The following KIAA0930 variants were observed in gnomAD, a reference collection of about 807,000 sequenced individuals.
KIAA0930 encodes uncharacterized protein KIAA0930.
In KIAA0930, 24 loss-of-function variants were observed where a neutral mutation model predicts 43.9. The ratio of observed to expected loss-of-function variants is 0.55; its 90% CI spans 0.40 to 0.77. KIAA0930 has a LOEUF of 0.77. Ranked by LOEUF, KIAA0930 falls within the 30% of genes least tolerant of loss-of-function variation. KIAA0930 has a pLI of 0.00. For synonymous variants in KIAA0930, 259 were observed against 216.4 expected (o/e 1.20, Z -1.73); for missense variants, 461 against 574.2 (o/e 0.80, Z 2.02).
At chr22:45,219,579 ATTGTT>A (rs1446932977) in intron 1 of KIAA0930, among the ~76,000 whole-genome samples, 18 of 107,504 alleles carry the variant, frequency 1.7e-4, no homozygotes, top group African/African-American at 3.2e-4. Context: ...CCAAGAGGTG[ATTGTT>A]TTTTTTTTTT....
chr22:45,199,499 C>A (rs2083567368), intron 8 of KIAA0930, among the ~76,000 whole-genome samples: 1 of 152,184 alleles, frequency 6.6e-6, no homozygotes, highest in Non-Finnish European at 1.5e-5. Flanking sequence ...GGGAGGGAAG[C>A]CCTCCTCTCT....
chr22:45,226,059 A>G (rs2083797832), intron 1 of KIAA0930: 2 of 354,958 alleles, frequency 5.6e-6, no homozygotes, highest in East Asian at 7.5e-5. Context: ...GGCAGTATCC[A>G]CCACAGAGAG....
chr22:45,197,733 G>A (rs754250482), intron 9 of KIAA0930, 57 bp downstream of exon 9: 16 of 1,591,046 alleles, frequency 1.0e-5, no homozygotes, highest in Non-Finnish European at 1.4e-5. Context: ...CCAAGGCCCT[G>A]GAGGCAGAGC....
Position 45,195,883 on chromosome 22 carries a change from A to G in KIAA0930, c.*1293T>C, listed in dbSNP as rs2083531726. On this transcript the variant is annotated 3_prime_UTR_variant, in exon 10 of 10. Coordinates refer to ENST00000336156, the MANE Select transcript of KIAA0930 (RefSeq NM_001009880.2). ...CATACAAAAGTCTGGAGAAAGCCCC[A>G]AAGTAGTCCCCTGTTCCCAGAGCCC... 6.6e-6 allele frequency: 1 copy of G among 152,356 alleles called. No homozygotes were observed. The highest frequency in any genetic ancestry group is 6.5e-5 in the Admixed American group (1 of 15,284). 9.4% of individuals were successfully genotyped at this position (152,356 alleles called of 1,614,324 possible).
intron 1 of KIAA0930, 84 bp downstream of exon 1, chr22:45,240,556 G>A: frequency 1.1e-6 from 1 of 947,684 alleles, no homozygotes; most frequent in Non-Finnish European, 1.6e-6. Context: ...AGATGCGCGG[G>A]GCGCACAGAA....
At chr22:45,224,516 G>A (rs751730995) in intron 1 of KIAA0930, among the ~76,000 whole-genome samples, 3 of 151,786 alleles carry the variant, frequency 2.0e-5, no homozygotes, top group Non-Finnish European at 4.4e-5. Context: ...CCCGGCTCCC[G>A]CGGTTGGAAG....
intron 8 of KIAA0930, among the ~76,000 whole-genome samples, chr22:45,198,550 GTGGTCAGGACAAAGAC>G (rs1181633498): frequency 6.6e-6 from 1 of 152,246 alleles, no homozygotes; most frequent in African/African-American, 2.4e-5. Flanking sequence ...CTTGGTCCCA[GTGGTCAGGACAAAGAC>G]TGCCACCTCT....
In KIAA0930 at chr22:45,199,891, G is replaced by A. The variant is rs1253955713; in HGVS notation, c.997C>T (p.Arg333Trp). 1.2e-5 allele frequency: 19 copies of A among 1,589,612 alleles called. No homozygotes were observed. The highest frequency in any genetic ancestry group is 3.4e-5 in the Admixed American group (2 of 58,348). ...GGGTCACCTCCACCGTCGTCCTCCC[G>A]GAAGAACTCCTCGCTGTCGTTGGCC... ...HSANDSEEFF[R>W]EDDGGADLHN... Residue 333 changes from arginine to tryptophan, a missense_variant, in exon 8 of 10, where the codon CGG (arginine) becomes TGG (tryptophan). By Grantham distance (101) the Arg-to-Trp change is moderately radical (BLOSUM62 -3). Coordinates refer to ENST00000336156, the MANE Select transcript of KIAA0930 (RefSeq NM_001009880.2).
At chr22:45,239,253 T>TCG (rs2083903691) in intron 1 of KIAA0930, among the ~76,000 whole-genome samples, 1 of 152,232 alleles carries the variant, frequency 6.6e-6, no homozygotes, top group Non-Finnish European at 1.5e-5. Context: ...GCTCAGATAT[T>TCG]CGGTGCCAGC....
At chr22:45,214,524 C>G (rs946316411) in intron 1 of KIAA0930, among the ~76,000 whole-genome samples, 6 of 152,188 alleles carry the variant, frequency 3.9e-5, no homozygotes, top group African/African-American at 1.4e-4. Context: ...AAGGCGGAAT[C>G]GTAGTGACTT....
At chr22:45,200,130 A>C in intron 7 of KIAA0930, 95 bp from the exon 8 acceptor site, 1 of 1,275,692 alleles carries the variant, frequency 7.8e-7, no homozygotes, top group Non-Finnish European at 1.1e-6. Context: ...ACAACCTGAC[A>C]CAGCTCCCAG....
rs146034587 is a variant in KIAA0930, at chr22:45,223,026, A to G, written c.65-10919T>C. ...ATCAGACAGTCAAAATCACAAACGCATTTTACCTCTGACCCAGCGATCCCA... is the reference window on the plus strand; with the variant it reads ...ATCAGACAGTCAAAATCACAAACGCGTTTTACCTCTGACCCAGCGATCCCA... On this transcript the variant is annotated intron_variant, in intron 1 of 9. Coordinates refer to ENST00000336156, the MANE Select transcript of KIAA0930 (RefSeq NM_001009880.2). 3.5e-3 allele frequency among the ~76,000 whole-genome samples: 533 copies of G among 152,192 alleles called. 2 individuals are homozygous for G. The highest frequency in any genetic ancestry group is 0.012 in the African/African-American group (504 of 41,528).
intron 1 of KIAA0930, among the ~76,000 whole-genome samples, chr22:45,237,567 C>T (rs753990606): frequency 1.3e-5 from 2 of 152,224 alleles, no homozygotes; most frequent in Non-Finnish European, 2.9e-5. Context: ...TCAACCAAAG[C>T]CCAGCGCCTC....
At chr22:45,221,859 T>C (rs2083769757) in intron 1 of KIAA0930, among the ~76,000 whole-genome samples, 2 of 152,172 alleles carry the variant, frequency 1.3e-5, no homozygotes, top group Non-Finnish European at 2.9e-5. Flanking sequence ...CTCAGCCTCC[T>C]GAGTAGCTGG....
intron 1 of KIAA0930, among the ~76,000 whole-genome samples, chr22:45,232,955 C>T (rs2083863477): frequency 6.6e-6 from 1 of 151,890 alleles, no homozygotes; most frequent in Non-Finnish European, 1.5e-5. Flanking sequence ...TCCCACCCAC[C>T]CCCGCCAGGT....
intron 1 of KIAA0930, among the ~76,000 whole-genome samples, chr22:45,227,876 C>A (rs2083812311): frequency 1.3e-5 from 2 of 152,192 alleles, no homozygotes; most frequent in African/African-American, 4.8e-5. Flanking sequence ...GGAGAGGGCT[C>A]CCGGGAGCTG....
Position 45,205,858 on chromosome 22 carries a change from G to A in KIAA0930, c.271C>T (p.Pro91Ser). 6.2e-7 allele frequency: 1 copy of A among 1,612,970 alleles called. No individual in the cohort carries two copies. The highest frequency in any genetic ancestry group is 8.5e-7 in the Non-Finnish European group (1 of 1,179,834). ...TCGATGTCAGGGTCTCCCAGGCCTG[G>A]CAGCTTCTTGGAGTCCCGCCGGTAC... ...EVYRRDSKKLPGLGDPDIDWE... is the reference protein window; with the variant it reads ...EVYRRDSKKLSGLGDPDIDWE... Residue 91 changes from proline to serine, a missense_variant, in exon 3 of 10, where the codon CCA becomes TCA. Transcript: ENST00000336156.
At chr22:45,217,683 A>G (rs919337256) in intron 1 of KIAA0930, among the ~76,000 whole-genome samples, 41 of 152,312 alleles carry the variant, frequency 2.7e-4, no homozygotes, top group African/African-American at 9.1e-4. Flanking sequence ...CAGGTAAGGA[A>G]TTTTTCGACA....
At chr22:45,208,395 C>CCA (rs1331327421) in intron 2 of KIAA0930, among the ~76,000 whole-genome samples, 93 of 119,260 alleles carry the variant, frequency 7.8e-4, no homozygotes, top group Non-Finnish European at 1.0e-3. Flanking sequence ...ACAGGTAGAA[C>CCA]CCGCCAACTC....
Sources: gnomAD v4.1 joint callset for allele counts (sites outside exome capture counted in the v4.1 genomes callset) on GRCh38, gnomAD v4.1.1 for gene constraint, MANE v1.5 for transcripts, NCBI Gene and HGNC (gene_info 2026-07-23, HGNC 2026-07-21) for gene names.